SUMF1: variants seen among roughly 807,000 people sequenced by gnomAD.
The protein encoded by SUMF1 is sulfatase modifying factor 1, also known as formylglycine-generating enzyme.
A neutral mutation model predicts 47.6 loss-of-function variants in SUMF1; 48 were observed. The observed-to-expected ratio is 1.01, with a 90% CI of 0.80 to 1.28. The LOEUF is 1.28. Ranked by LOEUF, SUMF1 falls within the 50% of genes most tolerant of loss-of-function variation. The probability of loss-of-function intolerance (pLI) is 0.00; values close to 1 mark genes in which losing one functional copy is unlikely to be tolerated. For missense variants in SUMF1, 571 were observed against 485.4 expected (o/e 1.18, Z -1.66); for synonymous variants, 230 against 192.1 (o/e 1.20, Z -1.63).
At chr3:4,425,122 C>T (rs1702028073) in intron 3 of SUMF1, among the ~76,000 whole-genome samples, 1 of 152,282 alleles carries the variant, frequency 6.6e-6, no homozygotes, top group African/African-American at 2.4e-5. Flanking sequence ...AAAGATTACT[C>T]TTCTTAAATA....
chr3:4,395,026 G>A (rs1700996665), intron 7 of SUMF1, among the ~76,000 whole-genome samples: 1 of 152,158 alleles, frequency 6.6e-6, no homozygotes. Context: ...TCCATTTGTT[G>A]AGAGTATACT....
At chr3:4,313,917 T>A in intron 8 of SUMF1, 2 of 1,348,360 alleles carry the variant, frequency 1.5e-6, no homozygotes, top group Non-Finnish European at 2.0e-6. Flanking sequence ...TGTAATAGAA[T>A]TCTCCATTTA....
At chr3:4,409,496 T>A (rs552256433) in intron 7 of SUMF1, among the ~76,000 whole-genome samples, 1 of 152,334 alleles carries the variant, frequency 6.6e-6, no homozygotes, top group South Asian at 2.1e-4. Context: ...GATGGTCAGA[T>A]AGATACATTC....
At chr3:4,284,555 A>G (rs1014262431) in intron 8 of SUMF1, among the ~76,000 whole-genome samples, 1 of 151,770 alleles carries the variant, frequency 6.6e-6, no homozygotes, top group African/African-American at 2.4e-5. Flanking sequence ...CCTGGCATCA[A>G]GTCTGCATTT....
chr3:4,355,678 T>C (rs1166557500), intron 8 of SUMF1, among the ~76,000 whole-genome samples: 1 of 152,076 alleles, frequency 6.6e-6, no homozygotes, highest in East Asian at 1.9e-4. Context: ...TAGAAAAGAG[T>C]TGCTCTGATC....
chr3:4,137,247 A>T (rs911800785), intron 8 of SUMF1, among the ~76,000 whole-genome samples: 2 of 152,130 alleles, frequency 1.3e-5, no homozygotes, highest in Non-Finnish European at 2.9e-5. Flanking sequence ...GATAGACTGG[A>T]TTAAGAAAAT....
At chr3:4,317,197 T>C (rs1281102782) in intron 8 of SUMF1, 3 of 1,549,086 alleles carry the variant, frequency 1.9e-6, no homozygotes, top group African/African-American at 1.4e-5. Context: ...AACCAACTTA[T>C]TTCTCGTTGG....
chr3:4,417,107 T>G, intron 6 of SUMF1, 21 bp downstream of exon 6: 1 of 1,612,076 alleles, frequency 6.2e-7, no homozygotes. Context: ...GCCACCCTCC[T>G]GCAGAGGTCT....
At chr3:4,038,418 C>A (rs1377342569) in intron 9 of SUMF1, among the ~76,000 whole-genome samples, 1 of 152,146 alleles carries the variant, frequency 6.6e-6, no homozygotes, top group Non-Finnish European at 1.5e-5. Flanking sequence ...ACGGTCTTTG[C>A]TCCTTCATTA....
At chr3:4,211,814 G>A (rs1283701401) in intron 8 of SUMF1, among the ~76,000 whole-genome samples, 1 of 152,168 alleles carries the variant, frequency 6.6e-6, no homozygotes, top group African/African-American at 2.4e-5. Context: ...AAACAAAGCA[G>A]CCAGGAAGTT....
rs1045491214 is a variant in SUMF1, at chr3:4,299,879, T to C, written c.1014+76451A>G. Among the ~76,000 whole-genome samples, 6 of 152,362 alleles carry C rather than the reference T, an allele frequency of 3.9e-5. No homozygotes were observed. In the East Asian group the frequency reaches 7.7e-4, roughly 20 times the overall value. On this transcript the variant is annotated intron_variant and NMD_transcript_variant, in intron 8 of 12. Coordinates refer to the SUMF1 transcript ENST00000448413. ...AATAAATGTTAGCTATTATTTCCCA[T>C]GGTCAGAAATTTGCAGAGTAGGAAT...
chr3:4,069,498 G>A (rs1324426415), intron 8 of SUMF1, among the ~76,000 whole-genome samples: 1 of 152,154 alleles, frequency 6.6e-6, no homozygotes, highest in Admixed American at 6.5e-5. Context: ...AGGAGATACA[G>A]GTAACATGCA....
intron 3 of SUMF1, among the ~76,000 whole-genome samples, chr3:4,434,601 A>G (rs1702338553): frequency 6.6e-6 from 1 of 152,246 alleles, no homozygotes; most frequent in African/African-American, 2.4e-5. Context: ...ACCAGGTGGT[A>G]CTGTATACAT....
intron 1 of SUMF1, among the ~76,000 whole-genome samples, chr3:4,463,318 C>T (rs768726358): frequency 7.2e-5 from 11 of 152,118 alleles, no homozygotes; most frequent in African/African-American, 9.7e-5. Context: ...GGTAAAACCC[C>T]GTCTCTACTA....
intron 1 of SUMF1, among the ~76,000 whole-genome samples, chr3:4,466,252 C>T (rs2079942771): frequency 6.6e-6 from 1 of 152,176 alleles, no homozygotes; most frequent in African/African-American, 2.4e-5. Context: ...GCTGGGATTA[C>T]AGGCGCCCGC....
intron 8 of SUMF1, among the ~76,000 whole-genome samples, chr3:4,213,925 C>A (rs1263510269): frequency 1.3e-5 from 2 of 152,086 alleles, no homozygotes; most frequent in Admixed American, 6.6e-5. Context: ...TCTTAGAGAC[C>A]TACAAAGAGA....
At chr3:4,270,380 C>T (rs1200735544) in intron 8 of SUMF1, among the ~76,000 whole-genome samples, 2 of 151,992 alleles carry the variant, frequency 1.3e-5, no homozygotes, top group African/African-American at 2.4e-5. Flanking sequence ...CTTATTTTCA[C>T]TTCTCTTCTC....
intron 8 of SUMF1, among the ~76,000 whole-genome samples, chr3:4,108,518 T>C (rs781702825): frequency 3.9e-5 from 6 of 152,048 alleles, no homozygotes; most frequent in Non-Finnish European, 8.8e-5. Context: ...ATGTTGACAG[T>C]GGGGTGTTAA....
At chr3:4,352,227 G>A (rs535836414) in intron 8 of SUMF1, among the ~76,000 whole-genome samples, 366 of 152,216 alleles carry the variant, frequency 2.4e-3, no homozygotes, top group Non-Finnish European at 3.9e-3. Flanking sequence ...TCACTCAACC[G>A]TGTCACCTGG....
Sources: gnomAD v4.1 joint callset for allele counts (sites outside exome capture counted in the v4.1 genomes callset) on GRCh38, gnomAD v4.1.1 for gene constraint, MANE v1.5 for transcripts, NCBI Gene and HGNC (gene_info 2026-07-23, HGNC 2026-07-21) for gene names.